THSD7B: variants seen among roughly 807,000 people sequenced by gnomAD.
THSD7B encodes the protein thrombospondin type-1 domain-containing protein 7B.
A neutral mutation model predicts 213.6 loss-of-function variants in THSD7B; 138 were observed. The observed-to-expected ratio is 0.65, with a 90% CI of 0.56 to 0.74. The LOEUF (loss-of-function observed/expected upper bound fraction) is 0.74, where lower values mean the gene tolerates loss of function less well. Among genes scored for constraint, THSD7B ranks in the 30% least tolerant of loss-of-function variants. The probability of loss-of-function intolerance (pLI) is 0.00; values close to 1 mark genes in which losing one functional copy is unlikely to be tolerated. For missense variants in THSD7B, 1,931 were observed against 1,991.5 expected, an observed-to-expected ratio of 0.97 and a Z score of 0.58; for synonymous variants, 742 against 687.0, an observed-to-expected ratio of 1.08 and a Z score of -1.25.
At chr2:136,985,177 A>G (rs1421769451) in intron 2 of THSD7B, among the ~76,000 whole-genome samples, 1 of 152,202 alleles carries the variant, frequency 6.6e-6, no homozygotes, top group Non-Finnish European at 1.5e-5. Flanking sequence ...CAAGCAGCCT[A>G]TGGAGCAACT....
At chr2:136,886,624 T>A (rs1683722363) in intron 2 of THSD7B, among the ~76,000 whole-genome samples, 1 of 152,178 alleles carries the variant, frequency 6.6e-6, no homozygotes, top group Non-Finnish European at 1.5e-5. Flanking sequence ...AGCAGTCTTC[T>A]ACAATAAAGA....
chr2:137,570,877 CAA>C (rs1681341080), intron 16 of THSD7B, among the ~76,000 whole-genome samples: 1 of 152,136 alleles, frequency 6.6e-6, no homozygotes, highest in South Asian at 2.1e-4. Context: ...GAATCACTGA[CAA>C]ATAACAACTT....
At chr2:137,504,471 G>A (rs1027410532) in intron 15 of THSD7B, among the ~76,000 whole-genome samples, 2 of 152,136 alleles carry the variant, frequency 1.3e-5, no homozygotes, top group African/African-American at 4.8e-5. Context: ...GTAGTTGACT[G>A]TTTTTCTTTA....
At chr2:137,045,036 A>G (rs1686945582) in intron 2 of THSD7B, among the ~76,000 whole-genome samples, 1 of 152,122 alleles carries the variant, frequency 6.6e-6, no homozygotes, top group South Asian at 2.1e-4. Flanking sequence ...GCCTTTTCCA[A>G]CTCAGTACTT....
chr2:137,560,651 T>C (rs1171833076), intron 15 of THSD7B, among the ~76,000 whole-genome samples: 1 of 152,124 alleles, frequency 6.6e-6, no homozygotes, highest in Non-Finnish European at 1.5e-5. Context: ...ACATGGCACA[T>C]GTATACATAT....
At chr2:137,618,332 T>G in intron 18 of THSD7B, 60 bp from the exon 19 acceptor site, 1 of 1,317,214 alleles carries the variant, frequency 7.6e-7, no homozygotes, top group Non-Finnish European at 1.1e-6. Flanking sequence ...AAAGGTCTGT[T>G]GTATTTTGCT....
At chr2:136,840,661 C>T (rs1682907804) in intron 1 of THSD7B, among the ~76,000 whole-genome samples, 1 of 152,044 alleles carries the variant, frequency 6.6e-6, no homozygotes, top group African/African-American at 2.4e-5. Flanking sequence ...TGATAAAGAG[C>T]TTGAACTTTA....
At chr2:137,142,668 A>G (rs1242717816) in intron 5 of THSD7B, among the ~76,000 whole-genome samples, 1 of 152,030 alleles carries the variant, frequency 6.6e-6, no homozygotes, top group Non-Finnish European at 1.5e-5. Context: ...TGTCTTTTTT[A>G]TGTTATCACA....
At chr2:137,280,238 T>A (rs1256331772) in intron 12 of THSD7B, among the ~76,000 whole-genome samples, 1 of 152,300 alleles carries the variant, frequency 6.6e-6, no homozygotes, top group Admixed American at 6.5e-5. Context: ...CAAGATTTGA[T>A]AGAAACCCTT....
chr2:137,044,931 T>A (rs1686943977), intron 2 of THSD7B, among the ~76,000 whole-genome samples: 1 of 152,186 alleles, frequency 6.6e-6, no homozygotes, highest in Non-Finnish European at 1.5e-5. Flanking sequence ...GATCCCTTGT[T>A]GAAGTCTTCC....
chr2:137,426,956 C>G (rs1387271943), intron 14 of THSD7B, among the ~76,000 whole-genome samples: 1 of 151,610 alleles, frequency 6.6e-6, no homozygotes, highest in African/African-American at 2.4e-5. Flanking sequence ...TAGTGAAAAA[C>G]AAATAGCCCA....
intron 12 of THSD7B, among the ~76,000 whole-genome samples, chr2:137,389,549 G>T (rs1685971688): frequency 6.7e-6 from 1 of 148,580 alleles, no homozygotes; most frequent in Non-Finnish European, 1.5e-5. Flanking sequence ...TGTTTTCTTT[G>T]CTGTGCAGAA....
At chr2:137,356,503 A>G (rs1356241327) in intron 12 of THSD7B, among the ~76,000 whole-genome samples, 3 of 152,168 alleles carry the variant, frequency 2.0e-5, no homozygotes, top group Non-Finnish European at 4.4e-5. Flanking sequence ...AATGAGTCTC[A>G]TATTCCAGTA....
At chr2:137,217,389 C>T (rs1681273168) in intron 7 of THSD7B, among the ~76,000 whole-genome samples, 1 of 152,178 alleles carries the variant, frequency 6.6e-6, no homozygotes, top group South Asian at 2.1e-4. Flanking sequence ...TGAACACTTA[C>T]TGTGTACCTG....
intron 3 of THSD7B, among the ~76,000 whole-genome samples, chr2:137,065,565 T>G (rs1687359827): frequency 6.6e-6 from 1 of 152,104 alleles, no homozygotes; most frequent in Middle Eastern, 3.2e-3. Context: ...GCTTCCTTGT[T>G]GTTTTCAAGA....
chr2:137,181,350 C>G (rs1022933135), intron 7 of THSD7B, among the ~76,000 whole-genome samples: 3 of 152,156 alleles, frequency 2.0e-5, no homozygotes, highest in African/African-American at 4.8e-5. Flanking sequence ...TAGTAAAAAA[C>G]AAGCAAAATT....
intron 1 of THSD7B, among the ~76,000 whole-genome samples, chr2:136,766,391 G>A: frequency 6.6e-6 from 1 of 152,072 alleles, no homozygotes; most frequent in East Asian, 1.9e-4. Flanking sequence ...CTGGGAACGG[G>A]GCTTGAGAGT....
At chr2:136,851,305 C>A (rs908737365) in intron 1 of THSD7B, among the ~76,000 whole-genome samples, 5 of 151,994 alleles carry the variant, frequency 3.3e-5, no homozygotes, top group Admixed American at 6.6e-5. Flanking sequence ...TTTATTCTTT[C>A]TTTCTGCTAT....
At chr2:137,084,216 C>G (rs1004601884) in intron 3 of THSD7B, among the ~76,000 whole-genome samples, 2 of 152,084 alleles carry the variant, frequency 1.3e-5, no homozygotes, top group Admixed American at 6.6e-5. Flanking sequence ...AAAATGAACA[C>G]AGCTATGTCT....
Sources: allele counts gnomAD v4.1 joint callset (sites outside exome capture counted in the v4.1 genomes callset), GRCh38; gene constraint gnomAD v4.1.1; transcripts MANE v1.5; gene names NCBI Gene and HGNC (gene_info 2026-07-23, HGNC 2026-07-21).